The following ASCC3 variants were observed in gnomAD, a reference collection of about 807,000 sequenced individuals.
ASCC3 encodes the protein activating signal cointegrator 1 complex subunit 3.
A neutral mutation model predicts 256.3 loss-of-function variants in ASCC3; 158 were observed. The observed-to-expected ratio is 0.62, with a 90% CI of 0.54 to 0.70. The LOEUF (loss-of-function observed/expected upper bound fraction) is 0.70. Ranked by LOEUF, ASCC3 falls within the 30% of genes least tolerant of loss-of-function variation. ASCC3 has a pLI of 0.00. For missense variants in ASCC3, 2,259 were observed against 2,626.0 expected (o/e 0.86, Z 3.05); for synonymous variants, 948 against 883.4 (o/e 1.07, Z -1.30).
At chr6:100,847,139 G>A (rs1339736901) in intron 4 of ASCC3, among the ~76,000 whole-genome samples, 30 of 151,852 alleles carry the variant, frequency 2.0e-4, no homozygotes, top group Non-Finnish European at 4.4e-5. Context: ...TGAAAGTAAT[G>A]GTTTTATGGC....
At chr6:100,645,027 CT>C (rs1775311464) in intron 22 of ASCC3, among the ~76,000 whole-genome samples, 1 of 152,148 alleles carries the variant, frequency 6.6e-6, no homozygotes, top group East Asian at 1.9e-4. Flanking sequence ...AGATAATATA[CT>C]TTCGTCCTTA....
Position 100,725,587 on chromosome 6 carries a change from T to C in ASCC3, c.1854A>G (p.Glu618=), listed in dbSNP as rs779378897. The part of the protein sequence containing the change: ...LILDEVHLLH[E]DRGPVLESIV... ...TGCTTTCTAATACTGGTCCTCTATC[T>C]TCATGCAGCAAATGAACTTCATCAA... The change falls in exon 11 of 42, where the codon GAA becomes GAG. Residue 618 remains glutamate, a synonymous_variant. Coordinates refer to ENST00000369162, the MANE Select transcript of ASCC3 (RefSeq NM_006828.4). 5.0e-6 allele frequency: 8 copies of C among 1,612,730 alleles called. No homozygotes were observed. The highest frequency in any genetic ancestry group is 3.3e-5 in the Admixed American group (2 of 59,866).
chr6:100,573,333 T>C (rs1770693240), intron 36 of ASCC3, among the ~76,000 whole-genome samples: 1 of 152,114 alleles, frequency 6.6e-6, no homozygotes, highest in Non-Finnish European at 1.5e-5. Context: ...ACAGTTGTAA[T>C]CACCATTATT....
chr6:100,676,911 AC>A (rs2114959816), intron 14 of ASCC3, among the ~76,000 whole-genome samples: 1 of 152,298 alleles, frequency 6.6e-6, no homozygotes, highest in Admixed American at 6.5e-5. Flanking sequence ...TACATTAAAC[AC>A]TTAGGGGTAA....
chr6:100,614,325 A>T (rs143148572), intron 30 of ASCC3, among the ~76,000 whole-genome samples: 12 of 152,322 alleles, frequency 7.9e-5, no homozygotes, highest in Non-Finnish European at 1.5e-4. Context: ...CACAGCAGGC[A>T]AAAAGGTACA....
intron 10 of ASCC3, among the ~76,000 whole-genome samples, chr6:100,744,405 T>C (rs1780572900): frequency 6.6e-6 from 1 of 152,130 alleles, no homozygotes; most frequent in Non-Finnish European, 1.5e-5. Flanking sequence ...AAATATGTAA[T>C]ATAAAGAGAC....
intron 4 of ASCC3, 66 bp from the exon 5 acceptor site, chr6:100,805,946 A>G: frequency 6.6e-7 from 1 of 1,513,964 alleles, no homozygotes; most frequent in Non-Finnish European, 9.1e-7. Flanking sequence ...CAAGTTATTA[A>G]CAACCTATTC....
At chr6:100,595,766 G>A (rs113337103) in intron 34 of ASCC3, among the ~76,000 whole-genome samples, 1 of 152,130 alleles carries the variant, frequency 6.6e-6, no homozygotes, top group Non-Finnish European at 1.5e-5. Flanking sequence ...TTTATAAAAT[G>A]AGGATCATAA....
chr6:100,701,649 T>C (rs1190160063), intron 13 of ASCC3, among the ~76,000 whole-genome samples: 5 of 152,006 alleles, frequency 3.3e-5, no homozygotes, highest in Non-Finnish European at 5.9e-5. Context: ...TATGATCCTA[T>C]AATAAAGGGT....
chr6:100,810,752 G>A (rs1770423188), intron 4 of ASCC3, among the ~76,000 whole-genome samples: 1 of 152,138 alleles, frequency 6.6e-6, no homozygotes. Flanking sequence ...TGTTGTTGCT[G>A]TTTAATCTCC....
At chr6:100,800,213 A>C (rs761069697) in intron 6 of ASCC3, 87 bp downstream of exon 6, 4 of 1,414,698 alleles carry the variant, frequency 2.8e-6, no homozygotes, top group Non-Finnish European at 4.0e-6. Context: ...AATCATCTAT[A>C]CTGCTAAGAC....
chr6:100,703,071 T>G (rs369239447), intron 13 of ASCC3, among the ~76,000 whole-genome samples: 14 of 152,108 alleles, frequency 9.2e-5, no homozygotes, highest in African/African-American at 3.1e-4. Context: ...TCTGGATTTT[T>G]TTTTCTAAAT....
At chr6:100,759,927 G>C (rs969204682) in intron 10 of ASCC3, among the ~76,000 whole-genome samples, 6 of 151,996 alleles carry the variant, frequency 3.9e-5, no homozygotes, top group Non-Finnish European at 4.4e-5. Flanking sequence ...AATTGTGAGA[G>C]TTCATTCATG....
chr6:100,627,524 T>C (rs1774301567), intron 29 of ASCC3, 66 bp downstream of exon 29: 3 of 1,596,378 alleles, frequency 1.9e-6, no homozygotes, highest in Non-Finnish European at 1.7e-6. Flanking sequence ...CCAACACCAA[T>C]TAGAAGATAT....
Position 100,510,598 on chromosome 6 carries a change from C to T in ASCC3, c.6286-491G>A, listed in dbSNP as rs536308122. Among the ~76,000 whole-genome samples, 37 of 152,286 alleles carry T rather than the reference C, an allele frequency of 2.4e-4. 1 individual carries two copies. Among genetic ancestry groups the T allele is most frequent in the Admixed American group, 2.2e-3 (34 of 15,294 alleles). ...AAGATGATGAGTACTATATCAAACA[C>T]ATACTTTCCCCCTCATCCAAGAATA... is the stretch of plus-strand genomic sequence containing the variant. On this transcript the variant is annotated intron_variant, in intron 40 of 41. Coordinates refer to ENST00000369162, the MANE Select transcript of ASCC3 (RefSeq NM_006828.4).
intron 1 of ASCC3, among the ~76,000 whole-genome samples, chr6:100,870,152 C>G (rs1773665552): frequency 6.6e-6 from 1 of 152,064 alleles, no homozygotes; most frequent in African/African-American, 2.4e-5. Flanking sequence ...ATTACTAAGT[C>G]TGATTTAATG....
rs777203841 is a variant in ASCC3, at chr6:100,848,578, GAAGGA to G, written c.366_370del (p.Pro123IlefsTer8). The G allele has an allele frequency of 1.2e-6, 2 of 1,613,970 alleles. No individual in the cohort carries two copies. The highest frequency in any genetic ancestry group is 1.7e-6 in the Non-Finnish European group (2 of 1,180,022). On this transcript the variant is annotated frameshift_variant, in exon 4 of 42. Coordinates refer to ENST00000369162, the MANE Select transcript of ASCC3 (RefSeq NM_006828.4). LOFTEE classifies it high-confidence loss of function. ...ATTACAAGCTGCAGTGGCAGATGAT[GAAGGA>G]AAGGGGCCAAACATCTGTTTGATAG...
chr6:100,695,165 C>T (rs976123321), intron 13 of ASCC3, among the ~76,000 whole-genome samples: 1 of 151,902 alleles, frequency 6.6e-6, no homozygotes, highest in African/African-American at 2.4e-5. Flanking sequence ...AGTCATTTTA[C>T]AAAATAATTG....
intron 36 of ASCC3, among the ~76,000 whole-genome samples, chr6:100,581,345 T>C (rs1000395306): frequency 6.6e-6 from 1 of 152,190 alleles, no homozygotes; most frequent in African/African-American, 2.4e-5. Context: ...ATGGTGAGCA[T>C]TTTTTCATGT....
Sources: allele counts gnomAD v4.1 joint callset (sites outside exome capture counted in the v4.1 genomes callset), GRCh38; gene constraint gnomAD v4.1.1; transcripts MANE v1.5; gene names NCBI Gene and HGNC (gene_info 2026-07-23, HGNC 2026-07-21).